Variants in NOL4 observed in about 807,000 individuals in gnomAD.
NOL4 encodes cancer/testis antigen 125.
NOL4 carries 17 observed loss-of-function variants against 75.9 expected under a neutral mutation model. The observed-to-expected ratio is 0.22, with a 90% CI of 0.15 to 0.34. The LOEUF (loss-of-function observed/expected upper bound fraction) is 0.34. Among genes scored for constraint, NOL4 ranks in the 10% least tolerant of loss-of-function variants. NOL4 has a pLI of 1.00. For missense variants in NOL4, 614 were observed against 793.5 expected, an observed-to-expected ratio of 0.77 and a Z score of 2.72; for synonymous variants, 292 against 289.9, an observed-to-expected ratio of 1.01 and a Z score of -0.07.
intron 9 of NOL4, among the ~76,000 whole-genome samples, chr18:33,934,416 T>C (rs1391275540): frequency 6.6e-6 from 1 of 152,154 alleles, no homozygotes; most frequent in Non-Finnish European, 1.5e-5. Flanking sequence ...ATTAATTTCT[T>C]CTCTCTAGCT....
intron 6 of NOL4, among the ~76,000 whole-genome samples, chr18:33,971,973 C>T (rs2145882713): frequency 6.6e-6 from 1 of 152,070 alleles, no homozygotes; most frequent in South Asian, 2.1e-4. Context: ...CAAAACCAGC[C>T]TGGCCAACAT....
At chr18:34,106,200 G>T (rs1260600945) in intron 2 of NOL4, among the ~76,000 whole-genome samples, 2 of 152,066 alleles carry the variant, frequency 1.3e-5, no homozygotes, top group Non-Finnish European at 2.9e-5. Flanking sequence ...GAGGGGAAAT[G>T]TGCAACAAAT....
chr18:33,863,617 C>T (rs1216171949), intron 10 of NOL4, among the ~76,000 whole-genome samples: 2 of 152,144 alleles, frequency 1.3e-5, no homozygotes, highest in Non-Finnish European at 2.9e-5. Context: ...CCAGGGCATG[C>T]TGATGCACAG....
At chr18:34,167,536 A>ATAGATAGG (rs763311216) in intron 1 of NOL4, among the ~76,000 whole-genome samples, 3 of 140,010 alleles carry the variant, frequency 2.1e-5, no homozygotes, top group Admixed American at 2.1e-4. Flanking sequence ...AAATAATTAG[A>ATAGATAGG]TAGATAGATA....
chr18:34,138,114 A>G (rs775100327), intron 1 of NOL4, among the ~76,000 whole-genome samples: 4 of 152,190 alleles, frequency 2.6e-5, no homozygotes, highest in Non-Finnish European at 4.4e-5. Context: ...AGGCAAATGT[A>G]TATAGATAGA....
At chr18:34,150,930 T>G (rs2081612570) in intron 1 of NOL4, among the ~76,000 whole-genome samples, 1 of 151,706 alleles carries the variant, frequency 6.6e-6, no homozygotes, top group Non-Finnish European at 1.5e-5. Context: ...GATTTTAAAA[T>G]GTACAAAAGA....
At chr18:33,874,735 A>G (rs750161309) in intron 10 of NOL4, among the ~76,000 whole-genome samples, 1 of 152,018 alleles carries the variant, frequency 6.6e-6, no homozygotes, top group African/African-American at 2.4e-5. Context: ...ATGAATAAAA[A>G]TGCTCCTTTG....
intron 6 of NOL4, among the ~76,000 whole-genome samples, chr18:33,991,802 C>G (rs1414860922): frequency 2.0e-5 from 3 of 152,024 alleles, no homozygotes; most frequent in Non-Finnish European, 4.4e-5. Context: ...GGTGGCCATA[C>G]TAGACAGAGC....
At chr18:34,218,544 G>C (rs1433260396) in intron 1 of NOL4, among the ~76,000 whole-genome samples, 3 of 152,094 alleles carry the variant, frequency 2.0e-5, no homozygotes, top group Non-Finnish European at 4.4e-5. Flanking sequence ...TGTTCCCTGC[G>C]AGCTGACCTA....
chr18:33,973,364 C>T (rs1279629687), intron 6 of NOL4, among the ~76,000 whole-genome samples: 1 of 152,132 alleles, frequency 6.6e-6, no homozygotes, highest in Non-Finnish European at 1.5e-5. Context: ...ACAATGACTT[C>T]CTCTACTGAA....
At chr18:33,932,856 G>A (rs2067793167) in intron 9 of NOL4, among the ~76,000 whole-genome samples, 1 of 152,022 alleles carries the variant, frequency 6.6e-6, no homozygotes, top group Admixed American at 6.6e-5. Flanking sequence ...ATAAAAGAAA[G>A]GCTTGCAAAA....
At chr18:34,012,159 A>G (rs940383402) in intron 6 of NOL4, among the ~76,000 whole-genome samples, 6 of 151,962 alleles carry the variant, frequency 3.9e-5, no homozygotes, top group Non-Finnish European at 2.9e-5. Context: ...TAGCATAATG[A>G]TTCAAAAGGA....
intron 6 of NOL4, among the ~76,000 whole-genome samples, chr18:33,998,144 G>A (rs974519714): frequency 6.6e-6 from 1 of 152,124 alleles, no homozygotes; most frequent in African/African-American, 2.4e-5. Flanking sequence ...GAGAGTCATA[G>A]TTAAGGGGTA....
intron 6 of NOL4, among the ~76,000 whole-genome samples, chr18:33,991,034 G>A (rs1387832621): frequency 2.0e-5 from 3 of 151,890 alleles, no homozygotes; most frequent in African/African-American, 7.2e-5. Flanking sequence ...CTTCATAAAG[G>A]TGTCCAATTC....
chr18:34,178,908 A>G (rs1314819249), intron 1 of NOL4, among the ~76,000 whole-genome samples: 3 of 151,706 alleles, frequency 2.0e-5, no homozygotes, highest in Admixed American at 6.6e-5. Context: ...TCTATTGTAC[A>G]TGTAGCATTC....
At chr18:34,215,261 A>G (rs1313311902) in intron 1 of NOL4, among the ~76,000 whole-genome samples, 1 of 152,180 alleles carries the variant, frequency 6.6e-6, no homozygotes, top group Non-Finnish European at 1.5e-5. Context: ...TGTGGTGGTA[A>G]ATAAGAAGCT....
At chr18:33,978,823 T>G (rs2071712139) in intron 6 of NOL4, among the ~76,000 whole-genome samples, 1 of 151,892 alleles carries the variant, frequency 6.6e-6, no homozygotes, top group South Asian at 2.1e-4. Flanking sequence ...TCTATCATTT[T>G]TATTGTTATA....
intron 9 of NOL4, among the ~76,000 whole-genome samples, chr18:33,902,208 T>C (rs2065785995): frequency 2.0e-5 from 3 of 152,110 alleles, no homozygotes; most frequent in African/African-American, 2.4e-5. Context: ...ATTGGTCCTC[T>C]ATGTTAAATG....
intron 5 of NOL4, among the ~76,000 whole-genome samples, chr18:34,068,918 A>G (rs1190266866): frequency 1.3e-5 from 2 of 152,162 alleles, no homozygotes; most frequent in Non-Finnish European, 2.9e-5. Context: ...GGGATTTATT[A>G]TCTGGGAAAT....
Sources: gnomAD v4.1 joint callset for allele counts (sites outside exome capture counted in the v4.1 genomes callset) on GRCh38, gnomAD v4.1.1 for gene constraint, MANE v1.5 for transcripts, NCBI Gene and HGNC (gene_info 2026-07-23, HGNC 2026-07-21) for gene names.